The following CTNNA3 variants were observed in gnomAD, a reference collection of about 807,000 sequenced individuals.
The protein encoded by CTNNA3 is catenin alpha-3.
A neutral mutation model predicts 95.7 loss-of-function variants in CTNNA3; 76 were observed. The observed-to-expected ratio is 0.79, with a 90% CI of 0.66 to 0.96. CTNNA3 has a LOEUF of 0.96. CTNNA3 is among the 40% of genes least tolerant of loss of function. The probability of loss-of-function intolerance (pLI) is 0.00; values close to 1 mark genes in which losing one functional copy is unlikely to be tolerated. For synonymous variants in CTNNA3, 431 were observed against 374.4 expected, an observed-to-expected ratio of 1.15 and a Z score of -1.74; for missense variants, 1,191 against 1,089.8, an observed-to-expected ratio of 1.09 and a Z score of -1.31.
At chr10:66,244,942 C>T (rs760953829) in intron 13 of CTNNA3, among the ~76,000 whole-genome samples, 8 of 152,148 alleles carry the variant, frequency 5.3e-5, no homozygotes, top group African/African-American at 1.2e-4. Flanking sequence ...CCTTTTGTTA[C>T]GGGATCTTTG....
chr10:66,667,371 A>AAGATGATGTTTC (rs1372533271), intron 9 of CTNNA3, among the ~76,000 whole-genome samples: 5 of 152,110 alleles, frequency 3.3e-5, no homozygotes, highest in African/African-American at 1.2e-4. Flanking sequence ...TTGATTGCTC[A>AAGATGATGTTTC]TGCCAGTAAT....
intron 11 of CTNNA3, among the ~76,000 whole-genome samples, chr10:66,501,031 C>T (rs1840261150): frequency 6.6e-6 from 1 of 152,104 alleles, no homozygotes; most frequent in East Asian, 1.9e-4. Flanking sequence ...CACTGATTCC[C>T]TACAAGAAAA....
intron 5 of CTNNA3, among the ~76,000 whole-genome samples, chr10:67,395,435 C>A (rs1306319229): frequency 6.6e-6 from 1 of 152,152 alleles, no homozygotes; most frequent in African/African-American, 2.4e-5. Context: ...CACCTCCCAC[C>A]AAGCAAGAAT....
chr10:66,567,644 C>CGA (rs202113474), intron 10 of CTNNA3, among the ~76,000 whole-genome samples: 3,509 of 151,940 alleles, frequency 0.023, 84 homozygotes, highest in East Asian at 0.056. Flanking sequence ...TAAAAATAAA[C>CGA]GAGAGAGAGA....
chr10:67,105,840 C>T (rs371512386), intron 7 of CTNNA3, among the ~76,000 whole-genome samples: 12 of 152,302 alleles, frequency 7.9e-5, no homozygotes, highest in African/African-American at 2.9e-4. Context: ...TAGGGAAAGA[C>T]ACTGAACATC....
At chr10:67,260,930 C>A (rs2894031) in intron 5 of CTNNA3, among the ~76,000 whole-genome samples, 36,135 of 152,044 alleles carry the variant, frequency 0.24, 7,263 homozygotes, top group African/African-American at 0.55. Flanking sequence ...GGTGATCCAC[C>A]CACCTTGGCC....
chr10:67,257,662 T>C (rs958793204), intron 5 of CTNNA3, among the ~76,000 whole-genome samples: 1 of 152,218 alleles, frequency 6.6e-6, no homozygotes. Flanking sequence ...TAGTGTTTCG[T>C]GCATGTTTTT....
intron 12 of CTNNA3, among the ~76,000 whole-genome samples, chr10:66,335,917 GCCT>G (rs1260243830): frequency 6.6e-6 from 1 of 152,100 alleles, no homozygotes; most frequent in East Asian, 1.9e-4. Flanking sequence ...ACCTACTCAA[GCCT>G]GGGCAATGGC....
In CTNNA3 at chr10:66,021,867, TTAGA is replaced by T. The variant is rs556587305; in HGVS notation, c.2160-33074_2160-33071del. ...AGGATCTTGGCTTTTTTTTTTTTTT[TTAGA>T]TAGATAGGGTCTCGCCCTGTCACCC... On this transcript the variant is annotated intron_variant, in intron 15 of 17. Coordinates refer to ENST00000433211, the MANE Select transcript of CTNNA3 (RefSeq NM_013266.4). Among the ~76,000 whole-genome samples the T allele has an allele frequency of 7.2e-4, 105 of 145,612 alleles. 1 individual carries two copies. Among genetic ancestry groups the T allele is most frequent in the African/African-American group, 2.6e-3 (102 of 39,644 alleles).
At chr10:67,384,948 T>A (rs1844093227) in intron 5 of CTNNA3, among the ~76,000 whole-genome samples, 1 of 152,236 alleles carries the variant, frequency 6.6e-6, no homozygotes, top group Admixed American at 6.5e-5. Flanking sequence ...TGCTACTTTG[T>A]TGCTTCTTTC....
At chr10:66,067,688 C>T (rs925443016) in intron 15 of CTNNA3, among the ~76,000 whole-genome samples, 2 of 151,998 alleles carry the variant, frequency 1.3e-5, no homozygotes, top group South Asian at 2.1e-4. Context: ...GAGGCTGAGG[C>T]GGGCGGATCA....
chr10:67,512,284 G>T (rs1023673299), intron 5 of CTNNA3, among the ~76,000 whole-genome samples: 3 of 152,158 alleles, frequency 2.0e-5, no homozygotes, highest in African/African-American at 4.8e-5. Flanking sequence ...ACCTTGGTGG[G>T]AATGTAAATT....
chr10:66,721,379 T>C (rs1347679443), intron 9 of CTNNA3, among the ~76,000 whole-genome samples: 1 of 152,218 alleles, frequency 6.6e-6, no homozygotes, highest in East Asian at 1.9e-4. Flanking sequence ...CTAATTTTTA[T>C]AAAATTTCTT....
intron 2 of CTNNA3, among the ~76,000 whole-genome samples, chr10:67,620,785 A>G (rs1436289068): frequency 2.0e-5 from 3 of 151,988 alleles, no homozygotes; most frequent in Non-Finnish European, 4.4e-5. Context: ...CAAGATTGCG[A>G]ATGCAAACTG....
At chr10:67,524,975 T>C (rs1428067400) in intron 4 of CTNNA3, among the ~76,000 whole-genome samples, 2 of 152,200 alleles carry the variant, frequency 1.3e-5, no homozygotes, top group Non-Finnish European at 1.5e-5. Flanking sequence ...ATGATAATTT[T>C]CTTATATTGA....
chr10:67,726,556 A>AATGTAATATATATTACATATT (rs1841225755), intron 1 of CTNNA3, among the ~76,000 whole-genome samples: 1 of 61,266 alleles, frequency 1.6e-5, no homozygotes, highest in East Asian at 5.4e-4. Flanking sequence ...CATATTATAT[A>AATGTAATATATATTACATATT]ATATAATATA....
At chr10:66,438,399 GA>G in intron 11 of CTNNA3, among the ~76,000 whole-genome samples, 1 of 152,166 alleles carries the variant, frequency 6.6e-6, no homozygotes, top group Non-Finnish European at 1.5e-5. Flanking sequence ...GCCCTGCCCA[GA>G]AAGGAGGAAT....
chr10:66,896,425 T>C (rs1486280499), intron 7 of CTNNA3, among the ~76,000 whole-genome samples: 1 of 152,170 alleles, frequency 6.6e-6, no homozygotes, highest in Non-Finnish European at 1.5e-5. Flanking sequence ...CACAGCTTTG[T>C]TTGTTTTTGT....
chr10:66,059,248 T>C (rs1426300192), intron 15 of CTNNA3, among the ~76,000 whole-genome samples: 2 of 152,252 alleles, frequency 1.3e-5, no homozygotes, highest in Non-Finnish European at 2.9e-5. Flanking sequence ...TAGCTATTTC[T>C]GTCCAAAGTT....
Sources: allele counts gnomAD v4.1 joint callset (sites outside exome capture counted in the v4.1 genomes callset), GRCh38; gene constraint gnomAD v4.1.1; transcripts MANE v1.5; gene names NCBI Gene and HGNC (gene_info 2026-07-23, HGNC 2026-07-21).